The following SPI1 variants were observed in gnomAD, a reference collection of about 807,000 sequenced individuals.
SPI1 encodes Spi-1 proto-oncogene, also known as transcription factor PU.1.
SPI1 carries 3 observed loss-of-function variants against 30.7 expected under a neutral mutation model. That is an observed-to-expected ratio of 0.10 (90% CI 0.04 to 0.25). SPI1 has a LOEUF of 0.25. Ranked by LOEUF, SPI1 falls within the 10% of genes least tolerant of loss-of-function variation. The pLI, the probability that SPI1 is intolerant of heterozygous loss-of-function variation, is 1.00. For synonymous variants in SPI1, 169 were observed against 157.1 expected (o/e 1.08, Z -0.56); for missense variants, 261 against 371.5 (o/e 0.70, Z 2.45).
intron 2 of SPI1, among the ~76,000 whole-genome samples, chr11:47,371,083 G>A (rs572766194): frequency 1.3e-5 from 2 of 151,628 alleles, no homozygotes; most frequent in Non-Finnish European, 2.9e-5. Flanking sequence ...ACTGGAGGCC[G>A]GGCACGGTGG....
intron 2 of SPI1, among the ~76,000 whole-genome samples, chr11:47,363,449 A>T (rs1238527230): frequency 6.6e-6 from 1 of 151,310 alleles, no homozygotes; most frequent in East Asian, 2.0e-4. Flanking sequence ...TGAACCTGGG[A>T]GGCGGAGGTT....
intron 2 of SPI1, among the ~76,000 whole-genome samples, chr11:47,370,038 G>T (rs147442723): frequency 1.5e-3 from 233 of 152,352 alleles, no homozygotes; most frequent in South Asian, 3.7e-3. Context: ...CAATGGAGGA[G>T]ATGGGGGATG....
chr11:47,356,188 A>C (rs2095908765), intron 4 of SPI1, among the ~76,000 whole-genome samples: 1 of 150,070 alleles, frequency 6.7e-6, no homozygotes, highest in African/African-American at 2.5e-5. Context: ...ACACACCCAC[A>C]CAATGCACCA....
intron 2 of SPI1, among the ~76,000 whole-genome samples, chr11:47,366,340 A>T (rs889029285): frequency 6.6e-6 from 1 of 152,148 alleles, no homozygotes; most frequent in African/African-American, 2.4e-5. Context: ...ACCCCACAAA[A>T]AATGTCAAGC....
chr11:47,359,951 G>A lies in SPI1; in HGVS notation c.232C>T (p.Pro78Ser), dbSNP rs772416102. The A allele has an allele frequency of 6.2e-7, 1 of 1,611,576 alleles. No individual in the cohort carries two copies. The highest frequency in any genetic ancestry group is 8.5e-7 in the Non-Finnish European group (1 of 1,179,710). Residue 78 changes from proline (P) to serine (S), a missense_variant, in exon 3 of 5, where the codon CCC (proline) becomes TCC (serine). Physicochemically the swap from Pro to Ser is moderately conservative, Grantham distance 74. Transcript: ENST00000378538. The surrounding 1 kb of genome is among the most constrained non-coding windows in gnomAD (Gnocchi z 5.1). Reference protein sequence around the residue: ...NNFTELQSVQPPQLQQLYRHM... With the variant: ...NNFTELQSVQSPQLQQLYRHM... ...CGGTAGAGCTGCTGCAGCTGCGGGGGCTGCACGCTCTGGAGCTCCGTGAAG... is the reference window on the plus strand; with the variant it reads ...CGGTAGAGCTGCTGCAGCTGCGGGGACTGCACGCTCTGGAGCTCCGTGAAG...
At position 47,358,284 on chromosome 11, in the gene SPI1, TCA is replaced by T. The variant is rs1246127819; in HGVS notation, c.493+558_493+559del. 169 of 476,148 alleles carry T rather than the reference TCA, an allele frequency of 3.5e-4. 2 individuals carry two copies. Among genetic ancestry groups the T allele is most frequent in the African/African-American group, 3.9e-5 (2 of 51,124 alleles). The allele number at this position is 476,148 out of a possible 1,614,324, so 29.5% of individuals were successfully genotyped here. A position where few individuals can be genotyped will look rare whatever the true frequency, so the allele number is the denominator to read the frequency against. ...CACACACCTGCTGTCACACCCCCAC[TCA>T]CACATATCACTCACACATGCCTGCT... On this transcript the variant is annotated intron_variant, in intron 4 of 4. Coordinates refer to ENST00000378538, the MANE Select transcript of SPI1 (RefSeq NM_003120.3).
intron 2 of SPI1, among the ~76,000 whole-genome samples, chr11:47,364,206 C>T (rs1455807534): frequency 5.3e-5 from 8 of 151,624 alleles, no homozygotes; most frequent in East Asian, 4.0e-4. Flanking sequence ...CCTGCCACCA[C>T]GCCCGGCTAA....
chr11:47,359,715 T>A lies in SPI1; in HGVS notation c.330+138A>T. ...ACTTGGGGGGTCAGGCGGCAGCCGT[T>A]GGAGCTCCAGCCGCCGTTGGCACTG... On this transcript the variant is annotated intron_variant, in intron 3 of 4. Transcript: ENST00000378538. The surrounding 1 kb of genome is among the most constrained non-coding windows in gnomAD (Gnocchi z 5.1). The A allele has an allele frequency of 1.1e-6, 1 of 926,494 alleles. No individual in the cohort carries two copies. Among genetic ancestry groups the A allele is most frequent in the Non-Finnish European group, 1.6e-6 (1 of 617,972 alleles). 57.4% of individuals were successfully genotyped at this position (926,494 alleles called of 1,614,324 possible). A position where few individuals can be genotyped will look rare whatever the true frequency, so the allele number is the denominator to read the frequency against.
In SPI1 at chr11:47,378,481, G is replaced by A; in HGVS notation, c.-128C>T. ...GGTGCAGGGCTCAGGCCTGCCCCCT[G>A]AGCTACAGGAGCCCTGGGTGAGCCC... is the stretch of plus-strand genomic sequence containing the variant. On this transcript the variant is annotated 5_prime_UTR_variant, in exon 1 of 5. Coordinates refer to ENST00000378538, the MANE Select transcript of SPI1 (RefSeq NM_003120.3). 3.2e-6 allele frequency: 3 copies of A among 934,074 alleles called. No individual in the cohort carries two copies. The South Asian group carries it at 4.4e-5, about 14-fold the overall frequency. 57.9% of individuals were successfully genotyped at this position (934,074 alleles called of 1,614,324 possible). A position where few individuals can be genotyped will look rare whatever the true frequency, so the allele number is the denominator to read the frequency against.
Position 47,355,248 on chromosome 11 carries a change from C to T in SPI1, c.792G>A (p.Glu264=). ...GEVLGRGGLA[E]RRHPPH Reference sequence around the variant, plus strand: ...GGGCTCAGTGGGGCGGGTGGCGCCGCTCGGCCAGGCCCCCGCGGCCCAGCA... The same window carrying T: ...GGGCTCAGTGGGGCGGGTGGCGCCGTTCGGCCAGGCCCCCGCGGCCCAGCA... Residue 264 remains glutamate (E), a synonymous_variant, in exon 5 of 5, where the codon GAG becomes GAA. Coordinates refer to ENST00000378538, the MANE Select transcript of SPI1 (RefSeq NM_003120.3). The T allele has an allele frequency of 6.9e-7, 1 of 1,448,268 alleles. No homozygotes were observed. The highest frequency in any genetic ancestry group is 9.1e-7 in the Non-Finnish European group (1 of 1,102,646). The allele number at this position is 1,448,268 out of a possible 1,614,324, so 89.7% of individuals were successfully genotyped here.
At chr11:47,367,972 C>G (rs2095930801) in intron 2 of SPI1, among the ~76,000 whole-genome samples, 1 of 151,866 alleles carries the variant, frequency 6.6e-6, no homozygotes, top group African/African-American at 2.4e-5. Context: ...TTAGCCAGGT[C>G]TCAATCTCTT....
chr11:47,360,561 C>T (rs1280158209), intron 2 of SPI1, among the ~76,000 whole-genome samples: 1 of 152,206 alleles, frequency 6.6e-6, no homozygotes, highest in East Asian at 1.9e-4. Context: ...CGCGCGGTGG[C>T]TCACGCCTGT....
chr11:47,355,620 A>C (rs535944465), intron 4 of SPI1, 74 bp from the exon 5 acceptor site: 3 of 1,332,498 alleles, frequency 2.3e-6, no homozygotes, highest in East Asian at 5.0e-5. Flanking sequence ...TTGCGTACGC[A>C]CAGGGGCCCG....
chr11:47,366,812 A>C (rs555404607), intron 2 of SPI1, among the ~76,000 whole-genome samples: 6 of 125,568 alleles, frequency 4.8e-5, no homozygotes, highest in Non-Finnish European at 8.3e-5. Context: ...TAAGAGTGGA[A>C]CGCTGTCTCA....
At chr11:47,367,053 C>A (rs1213382446) in intron 2 of SPI1, among the ~76,000 whole-genome samples, 1 of 151,892 alleles carries the variant, frequency 6.6e-6, no homozygotes, top group Non-Finnish European at 1.5e-5. Flanking sequence ...GATGGATAGG[C>A]CAGTGCAAGA....
chr11:47,361,775 A>G (rs1350264662), intron 2 of SPI1, among the ~76,000 whole-genome samples: 2 of 152,112 alleles, frequency 1.3e-5, no homozygotes, highest in South Asian at 2.1e-4. Context: ...TCCCTAATAG[A>G]TAATCATGAT....
intron 4 of SPI1, among the ~76,000 whole-genome samples, chr11:47,356,435 C>A (rs2095909489): frequency 6.6e-6 from 1 of 151,508 alleles, no homozygotes; most frequent in African/African-American, 2.4e-5. Context: ...CACTCACACA[C>A]ATGCACACAC....
In SPI1 at chr11:47,355,137, C is replaced by A; in HGVS notation, c.*90G>T. ...CCGCCACAGTCCTGCCTCTGGGCCC[C>A]GGGAGCGTCCTCCCTGTGTCCGGGC... is the stretch of plus-strand genomic sequence containing the variant. On this transcript the variant is annotated 3_prime_UTR_variant, in exon 5 of 5. Transcript: ENST00000378538. 1 of 1,087,428 alleles carries A rather than the reference C, an allele frequency of 9.2e-7. No individual in the cohort carries two copies. The highest frequency in any genetic ancestry group is 1.2e-6 in the Non-Finnish European group (1 of 855,894). The allele number at this position is 1,087,428 out of a possible 1,614,324, so 67.4% of individuals were successfully genotyped here.
intron 4 of SPI1, among the ~76,000 whole-genome samples, chr11:47,356,163 C>G (rs751419721): frequency 1.3e-5 from 2 of 151,540 alleles, no homozygotes; most frequent in African/African-American, 2.4e-5. Flanking sequence ...TGCCCTCACA[C>G]ACTGTCACTT....
Sources: gnomAD v4.1 joint callset for allele counts (sites outside exome capture counted in the v4.1 genomes callset) on GRCh38, gnomAD v4.1.1 for gene constraint, Gnocchi (gnomAD v3.1) non-coding constraint, MANE v1.5 for transcripts, NCBI Gene and HGNC (gene_info 2026-07-23, HGNC 2026-07-21) for gene names.